Variants in SGCD observed in about 807,000 individuals in gnomAD.
SGCD encodes the protein sarcoglycan delta.
A neutral mutation model predicts 36.6 loss-of-function variants in SGCD; 18 were observed. The observed-to-expected ratio is 0.49, with a 90% CI of 0.34 to 0.73. The LOEUF (loss-of-function observed/expected upper bound fraction) is 0.73. Ranked by LOEUF, SGCD falls within the 30% of genes least tolerant of loss-of-function variation. The pLI, the probability that SGCD is intolerant of heterozygous loss-of-function variation, is 0.01. For synonymous variants in SGCD, 133 were observed against 130.6 expected (o/e 1.02, Z -0.12); for missense variants, 387 against 346.7 (o/e 1.12, Z -0.92).
chr5:156,552,217 T>G (rs1486506051), intron 4 of SGCD, among the ~76,000 whole-genome samples: 1 of 152,200 alleles, frequency 6.6e-6, no homozygotes, highest in Non-Finnish European at 1.5e-5. Context: ...TTATTTCCCC[T>G]GATAACATCA....
chr5:156,124,648 A>T (rs1387764266), intron 3 of SGCD, among the ~76,000 whole-genome samples: 2 of 152,150 alleles, frequency 1.3e-5, no homozygotes, highest in African/African-American at 4.8e-5. Flanking sequence ...AAAAACATGT[A>T]CATATAAATA....
At chr5:156,540,459 A>G (rs906952045) in intron 4 of SGCD, among the ~76,000 whole-genome samples, 1 of 152,150 alleles carries the variant, frequency 6.6e-6, no homozygotes, top group Non-Finnish European at 1.5e-5. Context: ...TAACAAGGCT[A>G]GAGAGAAGAG....
At chr5:156,733,870 A>T (rs756664558) in intron 7 of SGCD, among the ~76,000 whole-genome samples, 2 of 152,096 alleles carry the variant, frequency 1.3e-5, no homozygotes, top group Non-Finnish European at 2.9e-5. Flanking sequence ...TTTTGAGCCT[A>T]TGTGTGTCAC....
At chr5:155,729,199 G>A in the SGCD span, among the ~76,000 whole-genome samples, 7 of 152,334 alleles carry the variant, frequency 4.6e-5, no homozygotes, top group African/African-American at 1.4e-4. Flanking sequence ...CGCTTCCTAA[G>A]GAGAAAAGGG....
chr5:156,333,444 A>G (rs1398498361), intron 2 of SGCD, among the ~76,000 whole-genome samples: 2 of 152,220 alleles, frequency 1.3e-5, no homozygotes, highest in African/African-American at 4.8e-5. Flanking sequence ...CTTCTAGCTA[A>G]TACAATCACA....
At chr5:156,095,880 G>A (rs953393099) in intron 1 of SGCD, among the ~76,000 whole-genome samples, 4 of 152,102 alleles carry the variant, frequency 2.6e-5, no homozygotes, top group Admixed American at 6.5e-5. Flanking sequence ...AAGCCCAAAC[G>A]ATGTCACAAG....
intron 1 of SGCD, among the ~76,000 whole-genome samples, chr5:156,029,789 AT>A (rs985967057): frequency 1.3e-5 from 2 of 151,830 alleles, no homozygotes; most frequent in Non-Finnish European, 2.9e-5. Context: ...CCAACACAGA[AT>A]TTTTTTTTAA....
chr5:156,512,020 C>T (rs1756952755), intron 4 of SGCD, among the ~76,000 whole-genome samples: 1 of 151,926 alleles, frequency 6.6e-6, no homozygotes, highest in Non-Finnish European at 1.5e-5. Flanking sequence ...ATGGTGCAAC[C>T]CTGTCTCTAC....
intron 7 of SGCD, among the ~76,000 whole-genome samples, chr5:156,695,211 T>C (rs1754263965): frequency 6.6e-6 from 1 of 151,974 alleles, no homozygotes; most frequent in South Asian, 2.1e-4. Context: ...CAATAATTTG[T>C]CAAACATGGG....
intron 3 of SGCD, among the ~76,000 whole-genome samples, chr5:156,507,749 G>T (rs1756763712): frequency 6.6e-6 from 1 of 152,142 alleles, no homozygotes; most frequent in Non-Finnish European, 1.5e-5. Context: ...GTATATATTT[G>T]TATATGTGTG....
chr5:156,506,498 T>C (rs1298190187), intron 3 of SGCD, among the ~76,000 whole-genome samples: 1 of 152,134 alleles, frequency 6.6e-6, no homozygotes, highest in East Asian at 1.9e-4. Context: ...GAACCAGGGC[T>C]TCTTACTAAA....
At chr5:156,179,516 G>A (rs1763552588) in intron 3 of SGCD, among the ~76,000 whole-genome samples, 1 of 151,858 alleles carries the variant, frequency 6.6e-6, no homozygotes, top group Non-Finnish European at 1.5e-5. Context: ...CAAATGATGT[G>A]CATATGATAA....
chr5:156,041,901 T>C (rs1251771560), intron 1 of SGCD, among the ~76,000 whole-genome samples: 1 of 152,136 alleles, frequency 6.6e-6, no homozygotes, highest in Admixed American at 6.6e-5. Context: ...TGAAGTATGA[T>C]GGAATTTGAC....
intron 7 of SGCD, among the ~76,000 whole-genome samples, chr5:156,707,242 T>C (rs916637752): frequency 1.3e-5 from 2 of 152,178 alleles, no homozygotes; most frequent in African/African-American, 4.8e-5. Context: ...TATACCAGGG[T>C]GGCATTTTAG....
At chr5:156,180,330 A>G (rs2127626641) in intron 3 of SGCD, among the ~76,000 whole-genome samples, 1 of 152,314 alleles carries the variant, frequency 6.6e-6, no homozygotes, top group Admixed American at 6.5e-5. Context: ...CACCTATCTC[A>G]TTTAAACGTT....
chr5:156,676,453 CA>C (rs1753514158), intron 7 of SGCD, among the ~76,000 whole-genome samples: 2 of 152,170 alleles, frequency 1.3e-5, no homozygotes, highest in African/African-American at 2.4e-5. Context: ...GTCACTTGAA[CA>C]GACACTGCGA....
intron 3 of SGCD, among the ~76,000 whole-genome samples, chr5:156,220,711 G>A (rs954844008): frequency 1.3e-5 from 2 of 152,062 alleles, no homozygotes; most frequent in Non-Finnish European, 2.9e-5. Flanking sequence ...TGATCACTGT[G>A]CTCTTTAAGT....
chr5:156,460,997 A>G (rs1218945150), intron 3 of SGCD, among the ~76,000 whole-genome samples: 9 of 152,180 alleles, frequency 5.9e-5, no homozygotes, highest in Non-Finnish European at 1.3e-4. Flanking sequence ...CAGATATAGT[A>G]GAGATTTTTA....
the SGCD span, among the ~76,000 whole-genome samples, chr5:155,746,428 A>T: frequency 6.6e-6 from 1 of 152,162 alleles, no homozygotes; most frequent in Non-Finnish European, 1.5e-5. Flanking sequence ...GAGTGGGCTG[A>T]CAGTAGCAGC....
Sources: gnomAD v4.1 joint callset for allele counts (sites outside exome capture counted in the v4.1 genomes callset) on GRCh38, gnomAD v4.1.1 for gene constraint, MANE v1.5 for transcripts, NCBI Gene and HGNC (gene_info 2026-07-23, HGNC 2026-07-21) for gene names.